The following PPME1 variants were observed in gnomAD, a reference collection of about 807,000 sequenced individuals.
The protein encoded by PPME1 is protein phosphatase methylesterase 1.
PPME1 carries 17 observed loss-of-function variants against 56.9 expected under a neutral mutation model. The observed-to-expected ratio is 0.30, with a 90% CI of 0.20 to 0.45. The LOEUF (loss-of-function observed/expected upper bound fraction) is 0.45. PPME1 is among the 20% of genes least tolerant of loss of function. The pLI is 1.00. For synonymous variants in PPME1, 122 were observed against 156.2 expected (o/e 0.78, Z 1.63); for missense variants, 357 against 483.2 (o/e 0.74, Z 2.45).
chr11:74,202,937 A>T (rs867127593), intron 1 of PPME1, among the ~76,000 whole-genome samples: 1 of 152,108 alleles, frequency 6.6e-6, no homozygotes, highest in African/African-American at 2.4e-5. Context: ...GATAGCACGC[A>T]TATCGTGTTC....
intron 9 of PPME1, among the ~76,000 whole-genome samples, chr11:74,242,179 T>C (rs1859378062): frequency 6.6e-6 from 1 of 152,212 alleles, no homozygotes; most frequent in Admixed American, 6.5e-5. Flanking sequence ...CTTCATTCTT[T>C]TGCATGTAGA....
chr11:74,186,034 T>G (rs910089955), intron 1 of PPME1, among the ~76,000 whole-genome samples: 1 of 152,210 alleles, frequency 6.6e-6, no homozygotes, highest in Admixed American at 6.5e-5. Flanking sequence ...ATGCTTCTGT[T>G]TCCATTTTTG....
intron 5 of PPME1, among the ~76,000 whole-genome samples, chr11:74,228,465 G>C (rs1858985731): frequency 6.6e-6 from 1 of 152,100 alleles, no homozygotes; most frequent in Admixed American, 6.6e-5. Flanking sequence ...TTATGCCTGA[G>C]GTTGCAATTT....
At chr11:74,238,381 CTCCTTT>C (rs1171484323) in intron 8 of PPME1, 1 of 152,176 alleles carries the variant, frequency 6.6e-6, no homozygotes, top group African/African-American at 2.4e-5. Flanking sequence ...CTTGTTCTCT[CTCCTTT>C]TCCTTCTCTG....
At chr11:74,171,627 G>T in intron 1 of PPME1, 105 bp downstream of exon 1, 1 of 1,373,756 alleles carries the variant, frequency 7.3e-7, no homozygotes. Context: ...ACTGATAGGA[G>T]AAAATGTTGG....
chr11:74,196,426 A>G (rs1857983090), intron 1 of PPME1, among the ~76,000 whole-genome samples: 1 of 152,144 alleles, frequency 6.6e-6, no homozygotes, highest in Non-Finnish European at 1.5e-5. Flanking sequence ...TTAATTATGT[A>G]TATGGTGTGA....
At chr11:74,239,864 G>A (rs1276520535) in intron 9 of PPME1, among the ~76,000 whole-genome samples, 1 of 151,838 alleles carries the variant, frequency 6.6e-6, no homozygotes, top group Non-Finnish European at 1.5e-5. Flanking sequence ...ACAGGCGTGA[G>A]CCACCATGCC....
intron 1 of PPME1, among the ~76,000 whole-genome samples, chr11:74,186,404 G>A (rs143980293): frequency 6.6e-6 from 1 of 151,694 alleles, no homozygotes; most frequent in Admixed American, 6.6e-5. Context: ...TTCAAGAATG[G>A]GGAACTTAAT....
chr11:74,213,986 A>C (rs1858550515), intron 3 of PPME1, among the ~76,000 whole-genome samples: 1 of 152,214 alleles, frequency 6.6e-6, no homozygotes, highest in Non-Finnish European at 1.5e-5. Flanking sequence ...TCACCACATG[A>C]ACTAAATAAG....
At chr11:74,219,973 T>C (rs1437833428) in intron 3 of PPME1, among the ~76,000 whole-genome samples, 1 of 152,178 alleles carries the variant, frequency 6.6e-6, no homozygotes, top group Non-Finnish European at 1.5e-5. Flanking sequence ...ATTTGCCCGA[T>C]GTGATGGTTA....
chr11:74,219,696 T>C (rs1858747893), intron 3 of PPME1, among the ~76,000 whole-genome samples: 1 of 152,038 alleles, frequency 6.6e-6, no homozygotes, highest in African/African-American at 2.4e-5. Flanking sequence ...ATTAAAACAA[T>C]TGAACTCATG....
chr11:74,199,980 A>G (rs574112949), intron 1 of PPME1, among the ~76,000 whole-genome samples: 118 of 152,370 alleles, frequency 7.7e-4, no homozygotes, highest in Non-Finnish European at 1.6e-3. Context: ...TATGGGAGCT[A>G]CAATTCAAGA....
At position 74,251,664 on chromosome 11, in the gene PPME1, C is replaced by T; in HGVS notation, c.1091C>T (p.Ala364Val). 3 of 1,613,746 alleles carry T rather than the reference C, an allele frequency of 1.9e-6. No homozygotes were observed. The highest frequency in any genetic ancestry group is 2.5e-6 in the Non-Finnish European group (3 of 1,179,772). The change falls in exon 13 of 14, where the codon GCC (alanine) becomes GTC (valine). Residue 364 changes from alanine (A) to valine (V), a missense_variant. By Grantham distance (64) the Ala-to-Val change is moderately conservative. Coordinates refer to ENST00000328257, the MANE Select transcript of PPME1 (RefSeq NM_016147.3). ...CATTTCCAGGTAGCTGAAGCTGTTG[C>T]CACTTTCCTGATCCGGCACAGGTTT... ...DAPDKVAEAV[A>V]TFLIRHRFAE...
intron 5 of PPME1, among the ~76,000 whole-genome samples, chr11:74,229,540 T>G (rs1345497361): frequency 6.6e-6 from 1 of 151,506 alleles, no homozygotes; most frequent in African/African-American, 2.4e-5. Context: ...GCCAATAAAA[T>G]GAGCTCTGAA....
intron 9 of PPME1, among the ~76,000 whole-genome samples, chr11:74,244,359 T>C (rs943602923): frequency 2.0e-5 from 3 of 152,206 alleles, no homozygotes; most frequent in Non-Finnish European, 2.9e-5. Flanking sequence ...GTTTTTCTTA[T>C]TGGTTGAACT....
intron 3 of PPME1, chr11:74,205,713 A>G (rs1371634907): frequency 6.6e-6 from 1 of 152,218 alleles, no homozygotes; most frequent in Non-Finnish European, 1.5e-5. Context: ...ACATAGGCAC[A>G]TATTCAACCA....
At chr11:74,175,064 T>G (rs990067526) in intron 1 of PPME1, among the ~76,000 whole-genome samples, 3 of 152,242 alleles carry the variant, frequency 2.0e-5, no homozygotes, top group Non-Finnish European at 4.4e-5. Flanking sequence ...AAAGTAGATT[T>G]GAGATCCCTA....
At chr11:74,186,075 T>C (rs1469732118) in intron 1 of PPME1, among the ~76,000 whole-genome samples, 2 of 152,180 alleles carry the variant, frequency 1.3e-5, no homozygotes, top group Non-Finnish European at 2.9e-5. Context: ...AGAAAAGTAA[T>C]AGTAATGGGA....
chr11:74,253,361 G>A, intron 13 of PPME1, 131 bp from the exon 14 acceptor site: 1 of 878,532 alleles, frequency 1.1e-6, no homozygotes, highest in Non-Finnish European at 1.8e-6. Flanking sequence ...CTCTGGTCAG[G>A]GCTGTGAAAT....
Sources: allele counts gnomAD v4.1 joint callset (sites outside exome capture counted in the v4.1 genomes callset), GRCh38; gene constraint gnomAD v4.1.1; transcripts MANE v1.5; gene names NCBI Gene and HGNC (gene_info 2026-07-23, HGNC 2026-07-21).